Variants in GPATCH2 observed in about 807,000 individuals in gnomAD.
GPATCH2 encodes the protein G-patch domain containing 2.
In GPATCH2, 51 loss-of-function variants were observed where a neutral mutation model predicts 58.0. That is an observed-to-expected ratio of 0.88 (90% CI 0.70 to 1.11). The LOEUF (loss-of-function observed/expected upper bound fraction) is 1.11. GPATCH2 is among the 50% of genes most tolerant of loss of function. The pLI, the probability that GPATCH2 is intolerant of heterozygous loss-of-function variation, is 0.00. For synonymous variants in GPATCH2, 222 were observed against 218.5 expected, an observed-to-expected ratio of 1.02 and a Z score of -0.14; for missense variants, 625 against 652.2, an observed-to-expected ratio of 0.96 and a Z score of 0.45.
chr1:217,568,712 G>A (rs1024241258), intron 5 of GPATCH2, among the ~76,000 whole-genome samples: 12 of 152,184 alleles, frequency 7.9e-5, no homozygotes, highest in African/African-American at 2.2e-4. Context: ...AAGATGGGGA[G>A]AGGGGCTTTG....
intron 8 of GPATCH2, among the ~76,000 whole-genome samples, chr1:217,479,657 A>C (rs1190931646): frequency 6.6e-6 from 1 of 152,168 alleles, no homozygotes; most frequent in Admixed American, 6.5e-5. Flanking sequence ...GTAAGTCCTT[A>C]CTTATCAATA....
chr1:217,548,457 C>A (rs2102661355), intron 5 of GPATCH2, among the ~76,000 whole-genome samples: 1 of 152,300 alleles, frequency 6.6e-6, no homozygotes, highest in East Asian at 1.9e-4. Context: ...ACTAAGACAC[C>A]TGCTTCTCTC....
At chr1:217,454,365 G>C (rs570491708) in intron 8 of GPATCH2, among the ~76,000 whole-genome samples, 1 of 151,968 alleles carries the variant, frequency 6.6e-6, no homozygotes, top group Non-Finnish European at 1.5e-5. Context: ...TGAGGTGGGC[G>C]GATCACGAGG....
chr1:217,506,476 G>C (rs571561224), intron 6 of GPATCH2, among the ~76,000 whole-genome samples: 6 of 152,332 alleles, frequency 3.9e-5, no homozygotes, highest in Non-Finnish European at 7.3e-5. Context: ...CAAGATGACA[G>C]AGTATTAAGA....
intron 5 of GPATCH2, among the ~76,000 whole-genome samples, chr1:217,533,490 C>A (rs976389806): frequency 2.6e-4 from 40 of 152,178 alleles, no homozygotes; most frequent in African/African-American, 7.7e-4. Context: ...TCTCAGGGAC[C>A]CCCAGTGGTT....
At chr1:217,564,299 A>G (rs2102699574) in intron 5 of GPATCH2, among the ~76,000 whole-genome samples, 1 of 152,308 alleles carries the variant, frequency 6.6e-6, no homozygotes, top group South Asian at 2.1e-4. Context: ...CTCATGTAAA[A>G]ACGAGGCATG....
At chr1:217,629,934 TCAC>T (rs1438675080) in intron 1 of GPATCH2, among the ~76,000 whole-genome samples, 2 of 152,196 alleles carry the variant, frequency 1.3e-5, no homozygotes, top group African/African-American at 4.8e-5. Context: ...TTATCTGAGA[TCAC>T]AGACTACTAG....
chr1:217,463,229 G>C (rs1007246438), intron 8 of GPATCH2, among the ~76,000 whole-genome samples: 8 of 152,104 alleles, frequency 5.3e-5, no homozygotes, highest in African/African-American at 1.9e-4. Flanking sequence ...ACTAAAATAT[G>C]AAAGTGTCAT....
chr1:217,493,800 T>A (rs896470027), intron 7 of GPATCH2, among the ~76,000 whole-genome samples: 6 of 152,172 alleles, frequency 3.9e-5, no homozygotes, highest in Non-Finnish European at 7.3e-5. Context: ...AGAAGTAAGA[T>A]GATGAAATCT....
In GPATCH2 at chr1:217,599,080, G is replaced by T. The variant is rs921032799; in HGVS notation, c.1098+11241C>A. Among the ~76,000 whole-genome samples the T allele has an allele frequency of 2.0e-5, 3 of 152,182 alleles. No individual in the cohort carries two copies. In the East Asian group the frequency reaches 5.8e-4, roughly 29 times the overall value. On this transcript the variant is annotated intron_variant, in intron 5 of 9. Transcript: ENST00000366935. Reference sequence around the variant, plus strand: ...GAGGGATACACTGTTGTGAACAGAGGTGTAAAATACACGGATATGGTTGAA... The same window carrying T: ...GAGGGATACACTGTTGTGAACAGAGTTGTAAAATACACGGATATGGTTGAA...
chr1:217,439,979 G>T (rs1166505790), intron 9 of GPATCH2, among the ~76,000 whole-genome samples: 1 of 152,052 alleles, frequency 6.6e-6, no homozygotes, highest in African/African-American at 2.4e-5. Context: ...TATTCCAAAG[G>T]ATAGAAAAAG....
intron 8 of GPATCH2, 82 bp from the exon 9 acceptor site, chr1:217,449,419 A>C: frequency 1.2e-6 from 1 of 822,272 alleles, no homozygotes; most frequent in Non-Finnish European, 2.1e-6. Context: ...TCTGAACCTA[A>C]ATCAAAACGT....
intron 9 of GPATCH2, among the ~76,000 whole-genome samples, chr1:217,443,222 A>G (rs921617180): frequency 1.1e-4 from 16 of 152,310 alleles, no homozygotes; most frequent in Non-Finnish European, 8.8e-5. Flanking sequence ...TTTCTTCTAC[A>G]AGAGGTATAA....
chr1:217,576,795 A>G lies in GPATCH2; in HGVS notation c.1098+33526T>C, dbSNP rs529075819. On this transcript the variant is annotated intron_variant, in intron 5 of 9. Transcript: ENST00000366935. ...AAAAAGTCAAGGAGTCATCAAGAAA[A>G]CAAATCTATATCTTCTACTCCATCA... 3.9e-5 allele frequency among the ~76,000 whole-genome samples: 6 copies of G among 152,344 alleles called. No homozygotes were observed. The South Asian group carries it at 1.2e-3, about 32-fold the overall frequency.
rs940307308 is a variant in GPATCH2 at position 217,512,067 on chromosome 1, G to T, written c.1166+2755C>A. Among the ~76,000 whole-genome samples, 4 of 152,244 alleles carry T rather than the reference G, an allele frequency of 2.6e-5. No homozygotes were observed. In the East Asian group the frequency reaches 5.8e-4, roughly 22 times the overall value. The stretch of plus-strand genomic sequence containing the variant: ...AGGCCAAGCATGGTGGCTCATGGCT[G>T]TAATCCCAGAGGTGGAAGTGGAGGT... On this transcript the variant is annotated intron_variant, in intron 6 of 9. Transcript: ENST00000366935.
intron 6 of GPATCH2, among the ~76,000 whole-genome samples, chr1:217,513,990 A>T (rs1662991155): frequency 6.6e-6 from 1 of 151,788 alleles, no homozygotes; most frequent in African/African-American, 2.4e-5. Context: ...ACGACCAGCT[A>T]ATTTTTGTAT....
In GPATCH2 at chr1:217,611,089, A is replaced by C. The variant is rs3762380; in HGVS notation, c.836-18T>G. Reference sequence around the variant, plus strand: ...ATCATCACCTGTGCAAATACAAGAAACCCCCCCCCACCAAAGACTCAGTTT... The same window carrying C: ...ATCATCACCTGTGCAAATACAAGAACCCCCCCCCCACCAAAGACTCAGTTT... On this transcript the variant is annotated intron_variant, in intron 3 of 9. Coordinates refer to ENST00000366935, the MANE Select transcript of GPATCH2 (RefSeq NM_018040.5). 134 of 1,530,732 alleles carry C rather than the reference A, an allele frequency of 8.8e-5. No individual in the cohort carries two copies. In the East Asian group the frequency reaches 1.6e-3, roughly 18 times the overall value. 94.8% of individuals were successfully genotyped at this position (1,530,732 alleles called of 1,614,324 possible).
intron 9 of GPATCH2, among the ~76,000 whole-genome samples, chr1:217,446,896 C>T (rs1326358140): frequency 1.3e-5 from 2 of 152,204 alleles, no homozygotes; most frequent in East Asian, 1.9e-4. Flanking sequence ...CGCTCCTCAA[C>T]CATTATGCAT....
intron 5 of GPATCH2, among the ~76,000 whole-genome samples, chr1:217,563,463 A>G (rs1036605701): frequency 9.2e-5 from 14 of 152,208 alleles, no homozygotes; most frequent in Non-Finnish European, 1.5e-5. Flanking sequence ...TGAGACAGAA[A>G]AAACCTAGAG....
Sources: allele counts gnomAD v4.1 joint callset (sites outside exome capture counted in the v4.1 genomes callset), GRCh38; gene constraint gnomAD v4.1.1; transcripts MANE v1.5; gene names NCBI Gene and HGNC (gene_info 2026-07-23, HGNC 2026-07-21).